The following TECPR1 variants were observed in gnomAD, a reference collection of about 807,000 sequenced individuals.
The protein encoded by TECPR1 is tectonin beta-propeller repeat-containing protein 1.
Under a neutral mutation model 162.4 loss-of-function variants are expected in TECPR1, and 122 were observed. The observed-to-expected ratio is 0.75, with a 90% confidence interval of 0.65 to 0.87. The LOEUF (loss-of-function observed/expected upper bound fraction) is 0.87. TECPR1 is among the 40% of genes least tolerant of loss of function. TECPR1 has a pLI of 0.00. For missense variants in TECPR1, 1,432 were observed against 1,618.2 expected (o/e 0.88, Z 1.97); for synonymous variants, 642 against 670.6 (o/e 0.96, Z 0.66).
At chr7:98,236,077 G>A (rs1014861842) in intron 10 of TECPR1, among the ~76,000 whole-genome samples, 5 of 152,270 alleles carry the variant, frequency 3.3e-5, no homozygotes, top group Middle Eastern at 3.4e-3. Context: ...CCATGATGTG[G>A]ACACGCCCGC....
chr7:98,238,080 T>G (rs917015703), intron 9 of TECPR1, among the ~76,000 whole-genome samples: 4 of 151,614 alleles, frequency 2.6e-5, no homozygotes, highest in African/African-American at 9.7e-5. Context: ...GCCGTGGTGT[T>G]TTTTTTTTAA....
chr7:98,235,849 A>AAAAAAAACAC, intron 10 of TECPR1, among the ~76,000 whole-genome samples: 1 of 110,256 alleles, frequency 9.1e-6, no homozygotes, highest in African/African-American at 3.1e-5. Flanking sequence ...AAAAAAAAAA[A>AAAAAAAACAC]AACACCATCT....
Position 98,233,404 on chromosome 7 carries a change from C to A in TECPR1, c.1672+17G>T. 1.4e-6 allele frequency: 2 copies of A among 1,434,406 alleles called. No homozygotes were observed. Among genetic ancestry groups the A allele is most frequent in the Non-Finnish European group, 1.8e-6 (2 of 1,091,994 alleles). The allele number at this position is 1,434,406 out of a possible 1,614,324, so 88.9% of individuals were successfully genotyped here. ...CCTGGCCATGTGGATGCCCCCAGGC[C>A]CTGCAGGAGCCCTTACCCGCCTGGA... is the stretch of plus-strand genomic sequence containing the variant. On this transcript the variant is annotated intron_variant, in intron 11 of 25. Coordinates refer to ENST00000447648, the MANE Select transcript of TECPR1 (RefSeq NM_015395.3).
chr7:98,242,884 C>T (rs1198181825), intron 6 of TECPR1, among the ~76,000 whole-genome samples: 3 of 76,716 alleles, frequency 3.9e-5, no homozygotes, highest in Admixed American at 1.4e-4. Context: ...ATCCATCTAC[C>T]CATACACCCA....
chr7:98,214,667 G>A lies in TECPR1; in HGVS notation c.*2723C>T, dbSNP rs12704976. 20,316 of 152,232 alleles carry A rather than the reference G, an allele frequency of 0.13. 1,777 individuals carry two copies. The highest frequency in any genetic ancestry group is 0.24 in the African/African-American group (10,121 of 41,496). The allele number at this position is 152,232 out of a possible 1,614,324, so 9.4% of individuals were successfully genotyped here. A position where few individuals can be genotyped will look rare whatever the true frequency, so the allele number is the denominator to read the frequency against. On this transcript the variant is annotated 3_prime_UTR_variant, in exon 26 of 26. Transcript: ENST00000447648. ...AGTCTGCCCCTGAACTTGCTGAATG[G>A]ACCGACGAGCTGAGCCTGAAAGCCC...
chr7:98,233,887 C>T lies in TECPR1; in HGVS notation c.1206G>A (p.Glu402=), dbSNP rs753528693. Residue 402 remains glutamate (E), a synonymous_variant, in exon 11 of 26, where the codon GAG becomes GAA. Transcript: ENST00000447648. ...GGGCAGACTCGCCACTACCCCTCAC[C>T]TCATCACCGAAGAAGCAGCCGGCAC... is the stretch of plus-strand genomic sequence containing the variant. ...LLSAGCFFGD[E]VRGSGESAPS... is the part of the protein sequence containing the mutation. 2.6e-6 allele frequency: 4 copies of T among 1,543,622 alleles called. No homozygotes were observed. The highest frequency in any genetic ancestry group is 2.4e-5 in the East Asian group (1 of 40,870).
intron 9 of TECPR1, 115 bp from the exon 10 acceptor site, chr7:98,237,036 G>A (rs974176256): frequency 3.3e-6 from 4 of 1,211,416 alleles, no homozygotes; most frequent in African/African-American, 1.6e-5. Flanking sequence ...TGTGTGGGCT[G>A]GGAAGGTCCA....
In TECPR1 at chr7:98,228,043, G is replaced by A; in HGVS notation, c.2484C>T (p.Arg828=). ...TGGTGTAGCCTGTGACGGGGTTCCA[G>A]CGCTGGTTCTCATAGATGTGAACAC... The part of the protein sequence containing the change: ...VKCVHIYENQ[R]WNPVTGYTSR... The change falls in exon 17 of 26, where the codon CGC becomes CGT. Residue 828 remains arginine, a synonymous_variant. Transcript: ENST00000447648. 1 of 1,613,024 alleles carries A rather than the reference G, an allele frequency of 6.2e-7. No individual in the cohort carries two copies. Among genetic ancestry groups the A allele is most frequent in the Non-Finnish European group, 8.5e-7 (1 of 1,179,598 alleles).
intron 17 of TECPR1, chr7:98,226,399 C>T: frequency 3.1e-6 from 3 of 974,054 alleles, no homozygotes; most frequent in Non-Finnish European, 3.7e-6. Context: ...ATGGTTGAGA[C>T]GTCCAAGGCT....
At position 98,232,018 on chromosome 7, in the gene TECPR1, G is replaced by A; in HGVS notation, c.1819-59C>T. 6.5e-7 allele frequency: 1 copy of A among 1,530,770 alleles called. No individual in the cohort carries two copies. Among genetic ancestry groups the A allele is most frequent in the Non-Finnish European group, 8.8e-7 (1 of 1,139,342 alleles). The allele number at this position is 1,530,770 out of a possible 1,614,324, so 94.8% of individuals were successfully genotyped here. The stretch of plus-strand genomic sequence containing the variant: ...GCAGGCCCGGGGTGCCAGGGGAGGA[G>A]GGCGGGGCTGGGGGTGCCCAGAGGA... On this transcript the variant is annotated intron_variant, in intron 12 of 25. Coordinates refer to ENST00000447648, the MANE Select transcript of TECPR1 (RefSeq NM_015395.3). The surrounding 1 kb of genome is among the most constrained non-coding windows in gnomAD (Gnocchi z 4.6).
intron 2 of TECPR1, among the ~76,000 whole-genome samples, chr7:98,249,729 T>G (rs1190583290): frequency 6.6e-6 from 1 of 152,074 alleles, no homozygotes; most frequent in East Asian, 1.9e-4. Context: ...GCGGGCAGAT[T>G]GCTTGAGGCC....
rs1195473609 is a variant in TECPR1, at chr7:98,217,204, C to A, written c.*186G>T. 1 of 584,356 alleles carries A rather than the reference C, an allele frequency of 1.7e-6. No individual in the cohort carries two copies. The highest frequency in any genetic ancestry group is 1.9e-5 in the African/African-American group (1 of 53,052). The allele number at this position is 584,356 out of a possible 1,614,324, so 36.2% of individuals were successfully genotyped here. A position where few individuals can be genotyped will look rare whatever the true frequency, so the allele number is the denominator to read the frequency against. ...ACGGGGACACGTGTGGGAGTGTCCG[C>A]GGAGCTTCACATTTCAGGGCCGTCT... On this transcript the variant is annotated 3_prime_UTR_variant, in exon 26 of 26. Transcript: ENST00000447648.
intron 13 of TECPR1, 171 bp from the exon 14 acceptor site, chr7:98,231,544 C>T (rs571235793): frequency 8.0e-6 from 5 of 628,568 alleles, no homozygotes; most frequent in Non-Finnish European, 1.3e-5. Flanking sequence ...CCTCCCCAGG[C>T]ACCCCCATTT....
chr7:98,217,692 C>T lies in TECPR1; in HGVS notation c.3384G>A (p.Gly1128=). ...GCCCAAGGCCGCGGGCCCCGCTCAC[C>T]CCGATGCCGTAGTCCCAGCCGTGGC... ...PKGHGWDYGI[G]GGWDHISVRA... Residue 1128 remains glycine (G), a splice_region_variant and synonymous_variant, in exon 25 of 26, where the codon GGG becomes GGA. Coordinates refer to ENST00000447648, the MANE Select transcript of TECPR1 (RefSeq NM_015395.3). The T allele has an allele frequency of 1.3e-6, 2 of 1,542,128 alleles. No homozygotes were observed. Among genetic ancestry groups the T allele is most frequent in the Non-Finnish European group, 1.8e-6 (2 of 1,142,568 alleles).
intron 9 of TECPR1, among the ~76,000 whole-genome samples, chr7:98,237,345 G>A (rs974458256): frequency 2.0e-5 from 3 of 152,176 alleles, no homozygotes; most frequent in Non-Finnish European, 4.4e-5. Flanking sequence ...CCAGGCTGGA[G>A]TGCAATGACG....
At chr7:98,246,269 T>TA in intron 2 of TECPR1, 104 bp from the exon 3 acceptor site, 2 of 660,000 alleles carry the variant, frequency 3.0e-6, no homozygotes, top group Non-Finnish European at 4.8e-6. Context: ...ATTCTTTTTC[T>TA]CTTTTTTTTT....
In TECPR1 at chr7:98,241,095, T is replaced by C; in HGVS notation, c.807A>G (p.Glu269=). The change falls in exon 7 of 26, where the codon GAA becomes GAG. Residue 269 remains glutamate (E), a synonymous_variant. Transcript: ENST00000447648. The surrounding 1 kb of genome is among the most constrained non-coding windows in gnomAD (Gnocchi z 5.0). The part of the protein sequence containing the change: ...TLWEGQALVR[E]GINRSNPKGS... ...CTTTGGGATTGCTCCTGTTGATTCC[T>C]TCCCGGACCAGGGCCTGTCCCTCCC... is the stretch of plus-strand genomic sequence containing the variant. The C allele has an allele frequency of 1.2e-6, 2 of 1,609,368 alleles. No homozygotes were observed. Among genetic ancestry groups the C allele is most frequent in the Non-Finnish European group, 1.7e-6 (2 of 1,177,904 alleles).
rs1229920775 is a variant in TECPR1, at chr7:98,233,514, C to T, written c.1579G>A (p.Gly527Arg). Residue 527 changes from glycine to arginine, a missense_variant, in exon 11 of 26, where the codon GGG (glycine) becomes AGG (arginine). Gly to Arg is a moderately radical substitution (Grantham distance 125). Transcript: ENST00000447648. The part of the protein sequence containing the change: ...LLPLGLEEPY[G>R]VDDHPLWAWV... ...GCCCACAGCGGGTGGTCATCCACCC[C>T]ATACGGCTCCTCCAAGCCCAGTGGG... The T allele has an allele frequency of 7.7e-6, 12 of 1,560,554 alleles. No homozygotes were observed. The highest frequency in any genetic ancestry group is 1.0e-5 in the Non-Finnish European group (12 of 1,157,172).
intron 8 of TECPR1, among the ~76,000 whole-genome samples, chr7:98,240,143 A>G (rs1429336432): frequency 6.6e-6 from 1 of 152,028 alleles, no homozygotes; most frequent in Non-Finnish European, 1.5e-5. Flanking sequence ...CCTGTGAGTA[A>G]TCGGAAATCG....
Sources: gnomAD v4.1 joint callset for allele counts (sites outside exome capture counted in the v4.1 genomes callset) on GRCh38, gnomAD v4.1.1 for gene constraint, Gnocchi (gnomAD v3.1) non-coding constraint, MANE v1.5 for transcripts, NCBI Gene and HGNC (gene_info 2026-07-23, HGNC 2026-07-21) for gene names.